PDE6A: variants seen among roughly 807,000 people sequenced by gnomAD.
The protein encoded by PDE6A is phosphodiesterase 6A.
A neutral mutation model predicts 106.3 loss-of-function variants in PDE6A; 84 were observed. That is an observed-to-expected ratio of 0.79 (90% CI 0.66 to 0.95). The LOEUF is 0.95. Among genes scored for constraint, PDE6A ranks in the 40% least tolerant of loss-of-function variants. The pLI is 0.00. For synonymous variants in PDE6A, 394 were observed against 386.6 expected, an observed-to-expected ratio of 1.02 and a Z score of -0.23; for missense variants, 1,052 against 1,084.9, an observed-to-expected ratio of 0.97 and a Z score of 0.43.
At chr5:149,914,583 A>T (rs1249946539) in intron 6 of PDE6A, among the ~76,000 whole-genome samples, 1 of 151,860 alleles carries the variant, frequency 6.6e-6, no homozygotes, top group East Asian at 1.9e-4. Context: ...GGTAAACGCC[A>T]ATTTCCCAAA....
chr5:149,921,970 G>A (rs797008967), intron 4 of PDE6A, among the ~76,000 whole-genome samples: 24 of 152,238 alleles, frequency 1.6e-4, no homozygotes, highest in African/African-American at 5.3e-4. Flanking sequence ...CAGTGTTATT[G>A]GACATGAGAG....
chr5:149,887,106 A>C (rs1464887298), intron 13 of PDE6A, among the ~76,000 whole-genome samples: 1 of 152,208 alleles, frequency 6.6e-6, no homozygotes, highest in East Asian at 1.9e-4. Context: ...AAAACATAAA[A>C]GTCTCCGAAC....
At chr5:149,905,253 C>T (rs773512037) in intron 7 of PDE6A, among the ~76,000 whole-genome samples, 8 of 152,098 alleles carry the variant, frequency 5.3e-5, no homozygotes, top group Non-Finnish European at 8.8e-5. Context: ...GATGCCAACA[C>T]CCTCCATTAT....
intron 4 of PDE6A, among the ~76,000 whole-genome samples, chr5:149,929,633 T>TAAAC (rs1753971233): frequency 6.6e-6 from 1 of 151,382 alleles, no homozygotes; most frequent in South Asian, 2.1e-4. Context: ...AATAAATAAA[T>TAAAC]AAATAAATAA....
intron 10 of PDE6A, among the ~76,000 whole-genome samples, chr5:149,897,740 C>T (rs1040934502): frequency 2.9e-4 from 44 of 152,244 alleles, no homozygotes; most frequent in African/African-American, 9.4e-4. Context: ...GCCACCATGC[C>T]TGACTAATTT....
At chr5:149,905,354 A>C (rs1341659749) in intron 7 of PDE6A, among the ~76,000 whole-genome samples, 1 of 152,118 alleles carries the variant, frequency 6.6e-6, no homozygotes, top group African/African-American at 2.4e-5. Context: ...GATATCTTCC[A>C]AATCTCTGCT....
At chr5:149,912,853 T>C (rs1317690572) in intron 6 of PDE6A, among the ~76,000 whole-genome samples, 1 of 151,978 alleles carries the variant, frequency 6.6e-6, no homozygotes, top group Non-Finnish European at 1.5e-5. Context: ...ACGAGAAACA[T>C]AGGTTAGGGA....
intron 3 of PDE6A, chr5:149,931,937 G>A (rs1754046888): frequency 9.8e-7 from 1 of 1,019,884 alleles, no homozygotes; most frequent in Admixed American, 1.9e-5. Flanking sequence ...TGAAGAGACA[G>A]AAACAAAGAA....
intron 4 of PDE6A, 69 bp downstream of exon 4, chr5:149,930,959 A>G (rs1581209235): frequency 6.6e-7 from 1 of 1,518,340 alleles, no homozygotes. Context: ...ATGTGTGCCA[A>G]GACTCTAGCC....
rs1753071079 is a variant in PDE6A at position 149,903,666 on chromosome 5, C to T, written c.1095G>A (p.Glu365=). ...LICNIMNAPA[E]DFFAFQKEPL... ...GACTTACCTGAAATGCAAAAAAGTC[C>T]TCCGCAGGCGCATTCATGATGTTGC... is the stretch of plus-strand genomic sequence containing the variant. Residue 365 remains glutamate (E), a synonymous_variant, in exon 8 of 22, where the codon GAG becomes GAA. Coordinates refer to ENST00000255266, the MANE Select transcript of PDE6A (RefSeq NM_000440.3). 1.9e-6 allele frequency: 3 copies of T among 1,613,676 alleles called. No individual in the cohort carries two copies. Among genetic ancestry groups the T allele is most frequent in the Non-Finnish European group, 2.5e-6 (3 of 1,179,782 alleles).
intron 13 of PDE6A, among the ~76,000 whole-genome samples, chr5:149,888,701 A>AC (rs34048966): frequency 0.44 from 66,085 of 151,546 alleles, 16,281 homozygotes; most frequent in African/African-American, 0.68. Context: ...AAAGTATAGG[A>AC]AAAAGTTGAA....
In PDE6A at chr5:149,886,325, A is replaced by G. The variant is rs1253683196; in HGVS notation, c.1778T>C (p.Val593Ala). 3 of 1,614,040 alleles carry G rather than the reference A, an allele frequency of 1.9e-6. No homozygotes were observed. The highest frequency in any genetic ancestry group is 2.5e-6 in the Non-Finnish European group (3 of 1,180,022). The change falls in exon 14 of 22, where the codon GTC becomes GCC. Residue 593 changes from valine to alanine, a missense_variant. Around this residue, in one of 3 missense-constraint regions of PDE6A, gnomAD observed 913 missense variants for 915.2 expected, o/e 1.00. Coordinates refer to ENST00000255266, the MANE Select transcript of PDE6A (RefSeq NM_000440.3). The stretch of plus-strand genomic sequence containing the variant: ...AATGTCATGGCAGAAAGCAGCAGTG[A>G]CCATGGCCAAGGCCTCTAGGTCCGT... ...YFTDLEALAM[V>A]TAAFCHDIDH...
chr5:149,864,353 C>T (rs1015425071), intron 20 of PDE6A, among the ~76,000 whole-genome samples: 2 of 152,108 alleles, frequency 1.3e-5, no homozygotes, highest in East Asian at 3.9e-4. Flanking sequence ...ATTCTCCTGC[C>T]TCAGCCTCCC....
At position 149,927,721 on chromosome 5, in the gene PDE6A, AT is replaced by A. The variant is rs1238360059; in HGVS notation, c.858+3306del. Among the ~76,000 whole-genome samples, 17 of 152,176 alleles carry A rather than the reference AT, an allele frequency of 1.1e-4. No individual in the cohort carries two copies. The East Asian group carries it at 3.3e-3, about 29-fold the overall frequency. ...ACAAAAATATTTTCTTTTTAAAAAA[AT>A]CTCAAATTCTGTTATTCTTTTTTCT... is the stretch of plus-strand genomic sequence containing the variant. On this transcript the variant is annotated intron_variant, in intron 4 of 21. Coordinates refer to ENST00000255266, the MANE Select transcript of PDE6A (RefSeq NM_000440.3).
At chr5:149,883,186 C>T (rs1289766569) in intron 17 of PDE6A, among the ~76,000 whole-genome samples, 1 of 152,208 alleles carries the variant, frequency 6.6e-6, no homozygotes, top group Non-Finnish European at 1.5e-5. Context: ...CTTCAAATAA[C>T]ATATTTTTTT....
In PDE6A at chr5:149,870,789, A is replaced by C. The variant is rs976503915; in HGVS notation, c.2136-2631T>G. Among the ~76,000 whole-genome samples, 14 of 151,706 alleles carry C rather than the reference A, an allele frequency of 9.2e-5. No homozygotes were observed. The East Asian group carries it at 2.1e-3, about 23-fold the overall frequency. Reference sequence around the variant, plus strand: ...CACAGGGCAAAAAAAAAAAAAAAAAAAAACTGTCATCACAATATGCTAAGT... The same window carrying C: ...CACAGGGCAAAAAAAAAAAAAAAAACAAACTGTCATCACAATATGCTAAGT... On this transcript the variant is annotated intron_variant, in intron 17 of 21. Transcript: ENST00000255266.
At chr5:149,892,217 G>A (rs1752570695) in intron 13 of PDE6A, among the ~76,000 whole-genome samples, 1 of 152,098 alleles carries the variant, frequency 6.6e-6, no homozygotes, top group South Asian at 2.1e-4. Context: ...TTGGGAGGCT[G>A]AGATGGGAGG....
rs549653705 is a variant in PDE6A at position 149,924,143 on chromosome 5, G to A, written c.859-2434C>T. Among the ~76,000 whole-genome samples, 294 of 152,248 alleles carry A rather than the reference G, an allele frequency of 1.9e-3. 1 individual carries two copies. Among genetic ancestry groups the A allele is most frequent in the Non-Finnish European group, 3.4e-3 (231 of 68,012 alleles). ...TGCTGACTGCTAGTTATACACAGGC[G>A]AATAAGGCACAGTTTGTATCCTGGA... On this transcript the variant is annotated intron_variant, in intron 4 of 21. Transcript: ENST00000255266.
chr5:149,941,208 G>C (rs1754319110), intron 1 of PDE6A, among the ~76,000 whole-genome samples: 2 of 152,304 alleles, frequency 1.3e-5, no homozygotes, highest in African/African-American at 4.8e-5. Flanking sequence ...CACTGTGCTG[G>C]GTCCTGGAGT....
Sources: allele counts gnomAD v4.1 joint callset (sites outside exome capture counted in the v4.1 genomes callset), GRCh38; gene constraint gnomAD v4.1.1; regional missense constraint gnomAD v4.1.1; transcripts MANE v1.5; gene names NCBI Gene and HGNC (gene_info 2026-07-23, HGNC 2026-07-21).